ST3GAL1: variants seen among roughly 807,000 people sequenced by gnomAD.
The protein encoded by ST3GAL1 is CMP-N-acetylneuraminate-beta-galactosamide-alpha-2,3-sialyltransferase 1.
A neutral mutation model predicts 34.1 loss-of-function variants in ST3GAL1; 16 were observed. The observed-to-expected ratio is 0.47, with a 90% CI of 0.32 to 0.71. The LOEUF is 0.71. ST3GAL1 is among the 30% of genes least tolerant of loss of function. The pLI, the probability that ST3GAL1 is intolerant of heterozygous loss-of-function variation, is 0.04. For synonymous variants in ST3GAL1, 191 were observed against 184.7 expected (o/e 1.03, Z -0.28); for missense variants, 353 against 447.4 (o/e 0.79, Z 1.90).
chr8:133,562,806 C>T (rs60894008), intron 1 of ST3GAL1, among the ~76,000 whole-genome samples: 1 of 70,256 alleles, frequency 1.4e-5, no homozygotes, highest in Non-Finnish European at 2.8e-5. Flanking sequence ...TCCTTCCTTC[C>T]TTCCTTCCTT....
chr8:133,566,868 T>G (rs1416512395), intron 1 of ST3GAL1: 1 of 152,206 alleles, frequency 6.6e-6, no homozygotes, highest in Non-Finnish European at 1.5e-5. Flanking sequence ...AAGGCAACCA[T>G]TCCTCTCACA....
intron 1 of ST3GAL1, among the ~76,000 whole-genome samples, chr8:133,553,709 T>C (rs550169406): frequency 1.1e-4 from 16 of 152,266 alleles, no homozygotes; most frequent in African/African-American, 3.6e-4. Context: ...TGAGGGCACT[T>C]AGTAAAGCAT....
chr8:133,500,891 G>A (rs967705940), intron 2 of ST3GAL1, among the ~76,000 whole-genome samples: 1 of 152,174 alleles, frequency 6.6e-6, no homozygotes, highest in African/African-American at 2.4e-5. Context: ...AGACTGAGAA[G>A]GTCAAAAATG....
intron 2 of ST3GAL1, among the ~76,000 whole-genome samples, chr8:133,540,880 G>GAGACATATATATAT (rs1818468772): frequency 6.7e-5 from 3 of 45,054 alleles, no homozygotes; most frequent in Non-Finnish European, 1.2e-4. Flanking sequence ...CATATATATA[G>GAGACATATATATAT]AGACATATAT....
At chr8:133,551,626 A>G (rs536811012) in intron 1 of ST3GAL1, among the ~76,000 whole-genome samples, 26 of 151,194 alleles carry the variant, frequency 1.7e-4, no homozygotes, top group Non-Finnish European at 3.5e-4. Context: ...AAGAGCGAGC[A>G]AGCCTTTCTC....
intron 1 of ST3GAL1, among the ~76,000 whole-genome samples, chr8:133,562,540 G>A: frequency 6.6e-6 from 1 of 152,160 alleles, no homozygotes; most frequent in East Asian, 1.9e-4. Context: ...AAATCAGGAG[G>A]ACCGTCAGAA....
chr8:133,535,766 A>G lies in ST3GAL1; in HGVS notation c.-429+10008T>C, dbSNP rs1818293458. Among the ~76,000 whole-genome samples, 3 of 152,214 alleles carry G rather than the reference A, an allele frequency of 2.0e-5. No homozygotes were observed. In the South Asian group the frequency reaches 6.2e-4, roughly 32 times the overall value. The stretch of plus-strand genomic sequence containing the variant: ...AGCCTCCCAAAGTGCTAGGAGCATA[A>G]GCCAGCATGGCTTTAATTAAAAAAT... On this transcript the variant is annotated intron_variant, in intron 2 of 9. Transcript: ENST00000522652.
intron 2 of ST3GAL1, among the ~76,000 whole-genome samples, chr8:133,529,993 T>C (rs1394409886): frequency 6.6e-6 from 1 of 152,222 alleles, no homozygotes; most frequent in Non-Finnish European, 1.5e-5. Context: ...TTAACTTTGT[T>C]ATTTATTAGA....
In ST3GAL1 at chr8:133,467,070, G is replaced by T. The variant is rs185072564; in HGVS notation, c.307-980C>A. Among the ~76,000 whole-genome samples the T allele has an allele frequency of 6.6e-6, 1 of 151,478 alleles. No homozygotes were observed. Among genetic ancestry groups the T allele is most frequent in the African/African-American group, 2.4e-5 (1 of 41,126 alleles). ...AGACAGTGCCACTGCACTTCAGCCTGGGTGACAGAGCGAGACTCCAACTCG... is the reference window on the plus strand; with the variant it reads ...AGACAGTGCCACTGCACTTCAGCCTTGGTGACAGAGCGAGACTCCAACTCG... On this transcript the variant is annotated intron_variant, in intron 5 of 9. Transcript: ENST00000522652. This position sits in a 1 kb window ranked among gnomAD's most constrained non-coding sequence, Gnocchi z 4.2.
rs555328655 is a variant in ST3GAL1, at chr8:133,517,057, T to C, written c.-428-17868A>G. Among the ~76,000 whole-genome samples, 407 of 152,372 alleles carry C rather than the reference T, an allele frequency of 2.7e-3. 2 individuals carry two copies. The highest frequency in any genetic ancestry group is 9.2e-3 in the African/African-American group (384 of 41,598). On this transcript the variant is annotated intron_variant, in intron 2 of 9. Coordinates refer to ENST00000522652, the MANE Select transcript of ST3GAL1 (RefSeq NM_173344.3). ...CTGCCCACTGGCATAAGAGCTGTTT[T>C]CCTGCTGATTGGCAGCAGGCTAGAA...
intron 2 of ST3GAL1, among the ~76,000 whole-genome samples, chr8:133,505,696 G>A (rs1368623552): frequency 6.6e-6 from 1 of 151,660 alleles, no homozygotes; most frequent in Non-Finnish European, 1.5e-5. Context: ...TCCACCTCCT[G>A]GGTTCAAGCG....
chr8:133,562,853 T>TC lies in ST3GAL1; in HGVS notation c.-582+8839_-582+8840insG, dbSNP rs71299080. On this transcript the variant is annotated intron_variant, in intron 1 of 9. Transcript: ENST00000522652. The stretch of plus-strand genomic sequence containing the variant: ...TCCTTCCTTCCTTCCTTTCTTTCTT[T>TC]TTTTTTTTTTTTTTCCCACTGGGCC... Among the ~76,000 whole-genome samples, 467 of 107,306 alleles carry TC rather than the reference T, an allele frequency of 4.4e-3. 6 individuals are homozygous for TC. Among genetic ancestry groups the TC allele is most frequent in the African/African-American group, 0.012 (322 of 27,940 alleles). The allele number at this position is 107,306 out of a possible 152,430, so 70.4% of individuals were successfully genotyped here.
At chr8:133,547,921 G>A (rs1818716519) in intron 1 of ST3GAL1, among the ~76,000 whole-genome samples, 1 of 152,164 alleles carries the variant, frequency 6.6e-6, no homozygotes, top group Admixed American at 6.5e-5. Flanking sequence ...GGAGATTCAA[G>A]AGCTCTTTTA....
intron 5 of ST3GAL1, among the ~76,000 whole-genome samples, chr8:133,470,279 C>T (rs1369479519): frequency 2.0e-5 from 3 of 151,986 alleles, no homozygotes; most frequent in Admixed American, 1.3e-4. Flanking sequence ...ATCAGCTGGG[C>T]GTGATGGTGC....
chr8:133,526,257 A>C (rs1043451858), intron 2 of ST3GAL1, among the ~76,000 whole-genome samples: 1 of 152,104 alleles, frequency 6.6e-6, no homozygotes, highest in Non-Finnish European at 1.5e-5. Flanking sequence ...TGTCTCCTAG[A>C]CACTAGAGCC....
chr8:133,506,858 G>C (rs1412401366), intron 2 of ST3GAL1, among the ~76,000 whole-genome samples: 1 of 151,834 alleles, frequency 6.6e-6, no homozygotes, highest in African/African-American at 2.4e-5. Flanking sequence ...GGGAGGCCGA[G>C]GTGGGTGGAT....
At chr8:133,503,514 T>G (rs1366058696) in intron 2 of ST3GAL1, among the ~76,000 whole-genome samples, 3 of 150,864 alleles carry the variant, frequency 2.0e-5, no homozygotes, top group Non-Finnish European at 4.4e-5. Context: ...CTTCCTTTCC[T>G]TCCTCCCTCC....
chr8:133,541,992 AATAG>A (rs896863891), intron 2 of ST3GAL1, among the ~76,000 whole-genome samples: 2 of 152,174 alleles, frequency 1.3e-5, no homozygotes, highest in Non-Finnish European at 2.9e-5. Flanking sequence ...TGGTGATTTT[AATAG>A]ATAGATAGGT....
rs1052425057 is a variant in ST3GAL1, at chr8:133,570,921, C to G, written c.-582+772G>C. 3.3e-5 allele frequency among the ~76,000 whole-genome samples: 5 copies of G among 152,222 alleles called. No homozygotes were observed. The highest frequency in any genetic ancestry group is 1.2e-4 in the African/African-American group (5 of 41,454). The stretch of plus-strand genomic sequence containing the variant: ...ATTTCTTGGGAGCTGCGACGCCTCA[C>G]GGGGTTGGGGCGGATTCAGAGTTTC... On this transcript the variant is annotated intron_variant, in intron 1 of 9. Coordinates refer to ENST00000522652, the MANE Select transcript of ST3GAL1 (RefSeq NM_173344.3). This position sits in a 1 kb window ranked among gnomAD's most constrained non-coding sequence, Gnocchi z 5.6.
Sources: allele counts gnomAD v4.1 joint callset (sites outside exome capture counted in the v4.1 genomes callset), GRCh38; gene constraint gnomAD v4.1.1; non-coding constraint Gnocchi (gnomAD v3.1); transcripts MANE v1.5; gene names NCBI Gene and HGNC (gene_info 2026-07-23, HGNC 2026-07-21).